Variants in GSK3B observed in about 807,000 individuals in gnomAD.
GSK3B encodes glycogen synthase kinase 3 beta, also known as glycogen synthase kinase-3 beta.
Under a neutral mutation model 56.4 loss-of-function variants are expected in GSK3B, and 15 were observed. The observed-to-expected ratio is 0.27, with a 90% CI of 0.18 to 0.41. GSK3B has a LOEUF of 0.41. Ranked by LOEUF, GSK3B falls within the 10% of genes least tolerant of loss-of-function variation. The pLI, the probability that GSK3B is intolerant of heterozygous loss-of-function variation, is 1.00. For missense variants in GSK3B, 300 were observed against 513.4 expected (o/e 0.58, Z 4.02); for synonymous variants, 181 against 188.9 (o/e 0.96, Z 0.34).
intron 2 of GSK3B, among the ~76,000 whole-genome samples, chr3:119,963,523 GTGGGAGATCGCCTGAACC>G (rs1415672519): frequency 6.6e-6 from 1 of 150,762 alleles, no homozygotes; most frequent in Admixed American, 6.6e-5. Context: ...GAAGGCTGAG[GTGGGAGATCGCCTGAACC>G]TGGGAGGCAG....
chr3:120,069,918 A>G (rs1436030970), intron 1 of GSK3B, among the ~76,000 whole-genome samples: 1 of 152,172 alleles, frequency 6.6e-6, no homozygotes, highest in Non-Finnish European at 1.5e-5. Flanking sequence ...TTTTCCTTAA[A>G]TAAATATAGG....
rs2055417588 is a variant in GSK3B, at chr3:119,822,100, A to G, written c.*4688T>C. 1 of 177,492 alleles carries G rather than the reference A, an allele frequency of 5.6e-6. No individual in the cohort carries two copies. Among genetic ancestry groups the G allele is most frequent in the Non-Finnish European group, 1.1e-5 (1 of 91,256 alleles). The allele number at this position is 177,492 out of a possible 1,614,324, so 11.0% of individuals were successfully genotyped here. ...AAAAACATTGAGCATACTTTTCACA[A>G]AAAAGTTTATATTTAAAATGAAAAA... On this transcript the variant is annotated 3_prime_UTR_variant, in exon 11 of 11. Coordinates refer to ENST00000264235, the MANE Select transcript of GSK3B (RefSeq NM_001146156.2).
intron 7 of GSK3B, among the ~76,000 whole-genome samples, chr3:119,876,966 T>C (rs1397954856): frequency 6.6e-6 from 1 of 152,204 alleles, no homozygotes; most frequent in East Asian, 1.9e-4. Flanking sequence ...AGTAAATTTC[T>C]ATTGTTTATA....
chr3:119,928,912 T>C (rs368718184), intron 3 of GSK3B, among the ~76,000 whole-genome samples: 2 of 152,196 alleles, frequency 1.3e-5, no homozygotes, highest in East Asian at 3.8e-4. Context: ...AATGTGAAAT[T>C]CTTTAAATAC....
intron 3 of GSK3B, among the ~76,000 whole-genome samples, chr3:119,945,148 G>C (rs1442768424): frequency 3.3e-5 from 5 of 152,130 alleles, no homozygotes; most frequent in African/African-American, 1.2e-4. Context: ...GGAGATTACG[G>C]GAAGTCTTGA....
chr3:120,013,085 G>A (rs572532900), intron 1 of GSK3B, among the ~76,000 whole-genome samples: 1 of 152,216 alleles, frequency 6.6e-6, no homozygotes, highest in South Asian at 2.1e-4. Context: ...GATTGTACCT[G>A]TAAACAACAT....
chr3:119,922,423 T>C (rs2056852594), intron 4 of GSK3B, among the ~76,000 whole-genome samples: 1 of 147,974 alleles, frequency 6.8e-6, no homozygotes, highest in Non-Finnish European at 1.5e-5. Flanking sequence ...ATAGTTTATA[T>C]ATTATATATA....
chr3:120,005,249 C>A (rs1211215376), intron 1 of GSK3B, among the ~76,000 whole-genome samples: 3 of 152,022 alleles, frequency 2.0e-5, no homozygotes, highest in Non-Finnish European at 4.4e-5. Flanking sequence ...AAGAAATGAA[C>A]AAAGCCTTCA....
intron 2 of GSK3B, among the ~76,000 whole-genome samples, chr3:119,992,296 T>C (rs893482940): frequency 6.6e-6 from 1 of 152,044 alleles, no homozygotes; most frequent in African/African-American, 2.4e-5. Context: ...AAATGGAAAG[T>C]CCAGAAATAG....
At chr3:119,934,179 A>C (rs1370739651) in intron 3 of GSK3B, among the ~76,000 whole-genome samples, 1 of 152,242 alleles carries the variant, frequency 6.6e-6, no homozygotes, top group South Asian at 2.1e-4. Context: ...TCCAAGGAAT[A>C]AAGTATGGAA....
At chr3:120,067,698 A>G (rs1012318599) in intron 1 of GSK3B, among the ~76,000 whole-genome samples, 8 of 152,266 alleles carry the variant, frequency 5.3e-5, no homozygotes, top group Non-Finnish European at 1.2e-4. Context: ...AGAACATACA[A>G]GAAATAAAGG....
chr3:120,061,786 G>A (rs2058238917), intron 1 of GSK3B, among the ~76,000 whole-genome samples: 1 of 152,150 alleles, frequency 6.6e-6, no homozygotes, highest in Non-Finnish European at 1.5e-5. Context: ...AGGCTGGAGT[G>A]CAATGGTGCA....
chr3:119,992,447 A>G (rs1371604565), intron 2 of GSK3B, among the ~76,000 whole-genome samples: 1 of 152,140 alleles, frequency 6.6e-6, no homozygotes, highest in East Asian at 1.9e-4. Flanking sequence ...AATTCATACC[A>G]TAATAGGAAT....
rs992457712 is a variant in GSK3B at position 119,824,894 on chromosome 3, C to T, written c.*1894G>A. ...GACAACTCTCTTGGAGAGTCACACA[C>T]ACAGTTAAGGAGCAGGACAGGGTGC... On this transcript the variant is annotated 3_prime_UTR_variant, in exon 11 of 11. Coordinates refer to ENST00000264235, the MANE Select transcript of GSK3B (RefSeq NM_001146156.2). 2.2e-5 allele frequency: 4 copies of T among 180,834 alleles called. No homozygotes were observed. Among genetic ancestry groups the T allele is most frequent in the African/African-American group, 9.4e-5 (4 of 42,360 alleles). 11.2% of individuals were successfully genotyped at this position (180,834 alleles called of 1,614,324 possible). A position where few individuals can be genotyped will look rare whatever the true frequency, so the allele number is the denominator to read the frequency against.
At chr3:119,952,483 G>A (rs1265116742) in intron 2 of GSK3B, among the ~76,000 whole-genome samples, 2 of 98,304 alleles carry the variant, frequency 2.0e-5, no homozygotes, top group East Asian at 6.1e-4. Flanking sequence ...GAGAGACTCT[G>A]TCTCAAAAAA....
chr3:120,010,943 A>G (rs1334814463), intron 1 of GSK3B, among the ~76,000 whole-genome samples: 1 of 152,066 alleles, frequency 6.6e-6, no homozygotes, highest in Non-Finnish European at 1.5e-5. Context: ...TGATGCACAC[A>G]TGTAATCCCA....
intron 7 of GSK3B, among the ~76,000 whole-genome samples, chr3:119,885,711 A>C (rs1389408737): frequency 1.3e-5 from 2 of 152,130 alleles, no homozygotes; most frequent in Admixed American, 1.3e-4. Context: ...AGATTCATAG[A>C]CCAATGGAAC....
chr3:119,835,189 C>G (rs1182021351), intron 10 of GSK3B, among the ~76,000 whole-genome samples: 1 of 152,236 alleles, frequency 6.6e-6, no homozygotes, highest in Non-Finnish European at 1.5e-5. Flanking sequence ...TACTCCCACT[C>G]TATGAGGACA....
At chr3:120,082,385 C>CTTTTTTTTTTTTTTTT (rs1173737285) in intron 1 of GSK3B, among the ~76,000 whole-genome samples, 2 of 66,400 alleles carry the variant, frequency 3.0e-5, no homozygotes, top group African/African-American at 5.0e-5. Context: ...TTAGTATGTT[C>CTTTTTTTTTTTTTTTT]TTTTTTTTTT....
Sources: allele counts gnomAD v4.1 joint callset (sites outside exome capture counted in the v4.1 genomes callset), GRCh38; gene constraint gnomAD v4.1.1; transcripts MANE v1.5; gene names NCBI Gene and HGNC (gene_info 2026-07-23, HGNC 2026-07-21).